Variants in SPON1 observed in about 807,000 individuals in gnomAD.
SPON1 encodes spondin 1.
SPON1 carries 52 observed loss-of-function variants against 111.7 expected under a neutral mutation model. The ratio of observed to expected loss-of-function variants is 0.47; its 90% CI spans 0.37 to 0.59. SPON1 has a LOEUF of 0.59. Among genes scored for constraint, SPON1 ranks in the 20% least tolerant of loss-of-function variants. SPON1 has a pLI of 0.00. For synonymous variants in SPON1, 410 were observed against 395.8 expected, an observed-to-expected ratio of 1.04 and a Z score of -0.43; for missense variants, 957 against 1,068.5, an observed-to-expected ratio of 0.90 and a Z score of 1.46.
chr11:14,023,132 G>C (rs1031768387), intron 2 of SPON1, among the ~76,000 whole-genome samples: 2 of 152,172 alleles, frequency 1.3e-5, no homozygotes, highest in Non-Finnish European at 2.9e-5. Context: ...TGCCTGAGAA[G>C]TTGGCAGGGA....
At position 14,262,935 on chromosome 11, in the gene SPON1, T is replaced by G. The variant is rs1591431909; in HGVS notation, c.2220T>G (p.Ser740Arg). 6.2e-7 allele frequency: 1 copy of G among 1,612,394 alleles called. No individual in the cohort carries two copies. The highest frequency in any genetic ancestry group is 1.3e-5 in the African/African-American group (1 of 74,512). ...RWREARESRR[S>R]EQLKEESEGE... Reference sequence around the variant, plus strand: ...GGGAGGCCCGAGAGAGCCGGCGGAGTGAGCAGCTGAAGGAAGAGTCTGAAG... The same window carrying G: ...GGGAGGCCCGAGAGAGCCGGCGGAGGGAGCAGCTGAAGGAAGAGTCTGAAG... The change falls in exon 15 of 16, where the codon AGT becomes AGG. Residue 740 changes from serine (S) to arginine (R), a missense_variant. Around this residue, in one of 5 missense-constraint regions of SPON1, gnomAD observed 549 missense variants for 606.2 expected, o/e 0.91. Coordinates refer to ENST00000576479, the MANE Select transcript of SPON1 (RefSeq NM_006108.4).
chr11:14,173,789 G>A (rs1554932785), intron 6 of SPON1, among the ~76,000 whole-genome samples: 1 of 152,192 alleles, frequency 6.6e-6, no homozygotes, highest in Non-Finnish European at 1.5e-5. Context: ...GTCAGCAGTG[G>A]TGGCTGCAGA....
intron 2 of SPON1, among the ~76,000 whole-genome samples, chr11:14,038,340 G>A (rs1480353123): frequency 1.3e-5 from 2 of 151,610 alleles, no homozygotes. Flanking sequence ...GTGGTGGTGG[G>A]CACCTGTAAT....
At chr11:14,179,051 AG>A (rs11294751) in intron 6 of SPON1, among the ~76,000 whole-genome samples, 60,943 of 152,040 alleles carry the variant, frequency 0.4, 12,346 homozygotes, top group East Asian at 0.55. Flanking sequence ...AATACCTGAA[AG>A]GAAAACAAAA....
chr11:14,076,165 T>A (rs1591368837), intron 4 of SPON1, among the ~76,000 whole-genome samples: 1 of 152,212 alleles, frequency 6.6e-6, no homozygotes, highest in East Asian at 1.9e-4. Context: ...TTCATTAATC[T>A]ACTGCAAAAA....
At chr11:14,156,296 T>C (rs1275753625) in intron 6 of SPON1, among the ~76,000 whole-genome samples, 2 of 142,638 alleles carry the variant, frequency 1.4e-5, no homozygotes, top group African/African-American at 5.1e-5. Flanking sequence ...TGTCTTCTTT[T>C]GAGAAGTGTC....
At chr11:14,247,525 A>AG (rs1456296137) in intron 7 of SPON1, among the ~76,000 whole-genome samples, 1 of 152,196 alleles carries the variant, frequency 6.6e-6, no homozygotes, top group Admixed American at 6.5e-5. Context: ...GAGCCCAGTG[A>AG]GGGGGGCTAC....
intron 5 of SPON1, among the ~76,000 whole-genome samples, chr11:14,115,670 A>G (rs1849261634): frequency 2.0e-5 from 3 of 152,140 alleles, no homozygotes; most frequent in African/African-American, 7.2e-5. Context: ...CTATCCTATT[A>G]TGGATGAACA....
At chr11:14,184,854 G>A (rs570395257) in intron 6 of SPON1, among the ~76,000 whole-genome samples, 91 of 152,322 alleles carry the variant, frequency 6.0e-4, no homozygotes, top group Middle Eastern at 3.4e-3. Flanking sequence ...TCTGGTGAGT[G>A]CAGCAAGTAG....
At chr11:14,033,444 T>C (rs1848573056) in intron 2 of SPON1, among the ~76,000 whole-genome samples, 1 of 152,012 alleles carries the variant, frequency 6.6e-6, no homozygotes, top group African/African-American at 2.4e-5. Flanking sequence ...CCAGAAAGTG[T>C]GAGGAGGTGA....
intron 7 of SPON1, among the ~76,000 whole-genome samples, chr11:14,253,502 A>C (rs1040638634): frequency 2.6e-4 from 40 of 152,240 alleles, no homozygotes; most frequent in Non-Finnish European, 1.3e-4. Flanking sequence ...CAAGGGGCCC[A>C]GTTCCCCAGG....
intron 6 of SPON1, among the ~76,000 whole-genome samples, chr11:14,241,085 A>ACT (rs67904757): frequency 6.6e-6 from 1 of 151,918 alleles, no homozygotes; most frequent in South Asian, 2.1e-4. Flanking sequence ...GCACACACAC[A>ACT]CACACATCCT....
At position 14,041,726 on chromosome 11, in the gene SPON1, A is replaced by C. The variant is rs1045301849; in HGVS notation, c.479+72A>C. 37 of 1,559,092 alleles carry C rather than the reference A, an allele frequency of 2.4e-5. No individual in the cohort carries two copies. The African/African-American group carries it at 4.8e-4, about 20-fold the overall frequency. ...GGTGTGATTGCAGGGAAAAAAAAAA[A>C]AGTTCTTTACTGAGCATCAGAAAGT... On this transcript the variant is annotated intron_variant, in intron 3 of 15. Transcript: ENST00000576479.
chr11:13,963,541 G>C (rs1037873129), intron 1 of SPON1, among the ~76,000 whole-genome samples: 1 of 152,180 alleles, frequency 6.6e-6, no homozygotes, highest in Admixed American at 6.5e-5. Context: ...GTCGGGTCCC[G>C]GGCAAGGCAG....
intron 5 of SPON1, among the ~76,000 whole-genome samples, chr11:14,115,680 AT>A (rs1554925893): frequency 6.6e-6 from 1 of 152,098 alleles, no homozygotes; most frequent in East Asian, 1.9e-4. Context: ...ATGGATGAAC[AT>A]TTGGGTAGTT....
intron 2 of SPON1, among the ~76,000 whole-genome samples, chr11:14,023,742 G>A (rs1439330879): frequency 2.6e-5 from 4 of 152,172 alleles, no homozygotes; most frequent in South Asian, 2.1e-4. Flanking sequence ...GGTGGCTCAC[G>A]CCTGTAATCC....
intron 3 of SPON1, among the ~76,000 whole-genome samples, chr11:14,055,762 T>C (rs1298144926): frequency 6.6e-6 from 1 of 152,164 alleles, no homozygotes; most frequent in Non-Finnish European, 1.5e-5. Context: ...CAATGGTTAA[T>C]AAGATGTTGA....
At chr11:14,151,141 C>T (rs938666706) in intron 6 of SPON1, among the ~76,000 whole-genome samples, 2 of 152,342 alleles carry the variant, frequency 1.3e-5, no homozygotes, top group Middle Eastern at 3.4e-3. Flanking sequence ...TCATTTCCCA[C>T]CTCTGGTCAG....
chr11:14,246,767 G>T (rs79162882), intron 7 of SPON1, among the ~76,000 whole-genome samples: 1 of 152,150 alleles, frequency 6.6e-6, no homozygotes, highest in South Asian at 2.1e-4. Flanking sequence ...AGTGGGGAGA[G>T]ATATTTACTA....
Sources: gnomAD v4.1 joint callset for allele counts (sites outside exome capture counted in the v4.1 genomes callset) on GRCh38, gnomAD v4.1.1 for gene constraint, gnomAD v4.1.1 regional missense constraint, MANE v1.5 for transcripts, NCBI Gene and HGNC (gene_info 2026-07-23, HGNC 2026-07-21) for gene names.